ARFGAP3: variants seen among roughly 807,000 people sequenced by gnomAD.
ARFGAP3 encodes ADP-ribosylation factor GTPase-activating protein 3.
Under a neutral mutation model 75.0 loss-of-function variants are expected in ARFGAP3, and 72 were observed. The ratio of observed to expected loss-of-function variants is 0.96; its 90% CI spans 0.79 to 1.17. The LOEUF (loss-of-function observed/expected upper bound fraction) is 1.17, where lower values mean the gene tolerates loss of function less well. Ranked by LOEUF, ARFGAP3 falls within the 50% of genes most tolerant of loss-of-function variation. The pLI is 0.00. For missense variants in ARFGAP3, 620 were observed against 626.6 expected (o/e 0.99, Z 0.11); for synonymous variants, 221 against 217.9 (o/e 1.01, Z -0.13).
At chr22:42,817,371 G>T in intron 10 of ARFGAP3, 107 bp from the exon 11 acceptor site, 1 of 1,431,870 alleles carries the variant, frequency 7.0e-7, no homozygotes, top group East Asian at 2.5e-5. Context: ...ATGTATTCGA[G>T]GGGTTAAAAA....
intron 1 of ARFGAP3, among the ~76,000 whole-genome samples, chr22:42,856,186 A>G (rs919231197): frequency 5.3e-5 from 8 of 152,238 alleles, no homozygotes; most frequent in African/African-American, 1.4e-4. Context: ...CCTAGGCTGG[A>G]AAAAATATGG....
At chr22:42,842,543 A>G (rs951214942) in intron 2 of ARFGAP3, among the ~76,000 whole-genome samples, 5 of 150,910 alleles carry the variant, frequency 3.3e-5, no homozygotes, top group African/African-American at 9.8e-5. Context: ...TGCCTTCTGG[A>G]TTCAAGCAAT....
chr22:42,797,581 T>C lies in ARFGAP3; in HGVS notation c.*7A>G, dbSNP rs1360220985. On this transcript the variant is annotated 3_prime_UTR_variant, in exon 16 of 16. Coordinates refer to ENST00000263245, the MANE Select transcript of ARFGAP3 (RefSeq NM_014570.5). ...TTCTCCAGGAAATACACATCATGAC[T>C]TCAGTATTAAGAACCGTAGCGATCC... 6.2e-7 allele frequency: 1 copy of C among 1,614,148 alleles called. No homozygotes were observed. Among genetic ancestry groups the C allele is most frequent in the Admixed American group, 1.7e-5 (1 of 60,022 alleles).
intron 5 of ARFGAP3, among the ~76,000 whole-genome samples, chr22:42,833,683 G>A (rs1289686080): frequency 2.6e-5 from 4 of 152,174 alleles, no homozygotes; most frequent in Non-Finnish European, 5.9e-5. Context: ...TTGAACCCAG[G>A]AGGCGGAGAT....
At chr22:42,823,899 G>A (rs1429637995) in intron 7 of ARFGAP3, 197 bp from the exon 8 acceptor site, 2 of 316,604 alleles carry the variant, frequency 6.3e-6, no homozygotes, top group Non-Finnish European at 9.1e-6. Context: ...GGTGTCCTCA[G>A]TATTTCCACG....
chr22:42,818,337 C>T (rs1925670617), intron 9 of ARFGAP3, among the ~76,000 whole-genome samples: 1 of 152,124 alleles, frequency 6.6e-6, no homozygotes, highest in Non-Finnish European at 1.5e-5. Context: ...GTAAAAGGAT[C>T]CTTCCATTTA....
intron 9 of ARFGAP3, 108 bp downstream of exon 9, chr22:42,822,162 A>G: frequency 5.1e-4 from 286 of 557,416 alleles, no homozygotes; most frequent in East Asian, 6.8e-4. Flanking sequence ...ATTTTGCAGT[A>G]CCCTCCCTTC....
rs191369695 is a variant in ARFGAP3 at position 42,824,260 on chromosome 22, C to T, written c.626-558G>A. 7.3e-3 allele frequency among the ~76,000 whole-genome samples: 1,082 copies of T among 148,442 alleles called. 6 individuals carry two copies. The highest frequency in any genetic ancestry group is 0.014 in the Middle Eastern group (4 of 290). ...TGGACTCCTGGGCTCAAGTGATGCT[C>T]CTGCCTCAGCCTCTCAAAGTGCTGA... On this transcript the variant is annotated intron_variant, in intron 7 of 15. Transcript: ENST00000263245.
intron 14 of ARFGAP3, among the ~76,000 whole-genome samples, chr22:42,804,543 A>G (rs927702774): frequency 2.6e-5 from 4 of 151,864 alleles, no homozygotes; most frequent in African/African-American, 9.7e-5. Context: ...CACCACGCCA[A>G]GCTAGTTTTT....
intron 3 of ARFGAP3, among the ~76,000 whole-genome samples, chr22:42,836,803 TCAGA>T: frequency 6.6e-6 from 1 of 152,150 alleles, no homozygotes; most frequent in Non-Finnish European, 1.5e-5. Context: ...AGCAACACTA[TCAGA>T]CAGTCACTAC....
intron 6 of ARFGAP3, among the ~76,000 whole-genome samples, chr22:42,831,281 A>C (rs1391807310): frequency 7.2e-6 from 1 of 139,526 alleles, no homozygotes; most frequent in African/African-American, 2.8e-5. Context: ...AGCAAGACTT[A>C]GTCTCAAAAA....
At position 42,850,263 on chromosome 22, in the gene ARFGAP3, GA is replaced by G. The variant is rs968969315; in HGVS notation, c.70-2632del. On this transcript the variant is annotated intron_variant, in intron 1 of 15. Transcript: ENST00000263245. ...AGAGGTGTTTTTAATCTTTTTGCAG[GA>G]AAAAAAAATACATATTAGATATATA... Among the ~76,000 whole-genome samples, 50 of 150,022 alleles carry G rather than the reference GA, an allele frequency of 3.3e-4. 1 individual carries two copies. In the South Asian group the frequency reaches 5.5e-3, roughly 16 times the overall value.
chr22:42,813,640 C>T (rs1354128303), intron 11 of ARFGAP3, among the ~76,000 whole-genome samples: 2 of 152,176 alleles, frequency 1.3e-5, no homozygotes, highest in Admixed American at 6.5e-5. Context: ...GCAGTCCATG[C>T]GTGGGCTGGC....
chr22:42,807,002 A>G (rs1925152044), intron 14 of ARFGAP3, 71 bp downstream of exon 14: 1 of 1,371,456 alleles, frequency 7.3e-7, no homozygotes. Context: ...AAAAGGAAAC[A>G]GTCCTATCCA....
chr22:42,828,500 G>A (rs1412881646), intron 6 of ARFGAP3, among the ~76,000 whole-genome samples: 1 of 151,738 alleles, frequency 6.6e-6, no homozygotes, highest in Non-Finnish European at 1.5e-5. Flanking sequence ...AGGTTGTGGT[G>A]ACCTGAGATC....
At chr22:42,811,345 T>C (rs1270872299) in intron 11 of ARFGAP3, among the ~76,000 whole-genome samples, 1 of 152,244 alleles carries the variant, frequency 6.6e-6, no homozygotes, top group African/African-American at 2.4e-5. Flanking sequence ...GGGGGATGTT[T>C]ATAACCTTAG....
Position 42,804,269 on chromosome 22 carries a change from G to A in ARFGAP3, c.1411+2804C>T, listed in dbSNP as rs576129323. 4.6e-5 allele frequency among the ~76,000 whole-genome samples: 7 copies of A among 151,684 alleles called. No individual in the cohort carries two copies. In the South Asian group the frequency reaches 1.5e-3, roughly 32 times the overall value. On this transcript the variant is annotated intron_variant, in intron 14 of 15. Transcript: ENST00000263245. Reference sequence around the variant, plus strand: ...TCTATTGCCCAGGCTGGAGTGTAATGGTGCGATCTCGGCCACTGCAACATC... The same window carrying A: ...TCTATTGCCCAGGCTGGAGTGTAATAGTGCGATCTCGGCCACTGCAACATC...
At chr22:42,846,482 G>C (rs970208219) in intron 2 of ARFGAP3, among the ~76,000 whole-genome samples, 1 of 152,312 alleles carries the variant, frequency 6.6e-6, no homozygotes, top group African/African-American at 2.4e-5. Flanking sequence ...TTCTTCTGAT[G>C]CAAAAGGCCC....
intron 12 of ARFGAP3, among the ~76,000 whole-genome samples, chr22:42,809,363 C>T (rs574145604): frequency 3.6e-4 from 55 of 152,262 alleles, no homozygotes; most frequent in African/African-American, 1.2e-3. Flanking sequence ...AGCCCTTCAG[C>T]AGGTGAATGG....
Sources: gnomAD v4.1 joint callset for allele counts (sites outside exome capture counted in the v4.1 genomes callset) on GRCh38, gnomAD v4.1.1 for gene constraint, MANE v1.5 for transcripts, NCBI Gene and HGNC (gene_info 2026-07-23, HGNC 2026-07-21) for gene names.